Variants in UTRN observed in about 807,000 individuals in gnomAD.
UTRN encodes utrophin, also known as dystrophin-related protein 1.
UTRN carries 283 observed loss-of-function variants against 463.9 expected under a neutral mutation model. The observed-to-expected ratio is 0.61, with a 90% CI of 0.55 to 0.67. The LOEUF is 0.67. UTRN is among the 30% of genes least tolerant of loss of function. UTRN has a pLI of 0.00. For synonymous variants in UTRN, 1,442 were observed against 1,431.5 expected (o/e 1.01, Z -0.17); for missense variants, 3,922 against 4,084.3 (o/e 0.96, Z 1.08).
intron 51 of UTRN, among the ~76,000 whole-genome samples, chr6:144,605,061 G>C (rs978704505): frequency 1.3e-5 from 2 of 152,066 alleles, no homozygotes; most frequent in East Asian, 3.8e-4. Flanking sequence ...TGTTGCTATT[G>C]AGTAAAACTC....
chr6:144,689,159 C>G (rs947614921), intron 52 of UTRN, among the ~76,000 whole-genome samples: 7 of 152,162 alleles, frequency 4.6e-5, no homozygotes, highest in Non-Finnish European at 5.9e-5. Context: ...CTCATGTAAG[C>G]CTGAACCTGG....
At chr6:144,302,340 G>A (rs552599147) in intron 2 of UTRN, among the ~76,000 whole-genome samples, 5 of 152,010 alleles carry the variant, frequency 3.3e-5, no homozygotes, top group South Asian at 2.1e-4. Flanking sequence ...CTGAAACCTC[G>A]TCTCTACTAA....
chr6:144,626,385 C>CAACT (rs1308584224), intron 51 of UTRN, among the ~76,000 whole-genome samples: 7 of 152,358 alleles, frequency 4.6e-5, no homozygotes, highest in African/African-American at 1.7e-4. Context: ...TTCCCTCTCG[C>CAACT]AACTGGTCAA....
intron 2 of UTRN, among the ~76,000 whole-genome samples, chr6:144,312,918 G>A (rs1775030579): frequency 6.6e-6 from 1 of 152,180 alleles, no homozygotes; most frequent in Non-Finnish European, 1.5e-5. Flanking sequence ...GTTACAGAGA[G>A]GCTCCAGGGG....
At chr6:144,752,358 A>G (rs757967346) in intron 56 of UTRN, among the ~76,000 whole-genome samples, 1 of 151,630 alleles carries the variant, frequency 6.6e-6, no homozygotes, top group Non-Finnish European at 1.5e-5. Flanking sequence ...ACTGGTTGCT[A>G]TTTAAATATC....
Position 144,554,728 on chromosome 6 carries a change from C to G in UTRN, c.6969C>G (p.Gly2323=). The change falls in exon 49 of 75, where the codon GGC becomes GGG. Residue 2323 remains glycine (G), a synonymous_variant. Transcript: ENST00000367545. ...ACCAGTGGGATGGCACCCAGCATGG[C>G]GTTGAGCTAAGACAGCAGCAGCTTG... The part of the protein sequence containing the change: ...VKNQWDGTQH[G]VELRQQQLED... The G allele has an allele frequency of 6.2e-7, 1 of 1,613,878 alleles. No individual in the cohort carries two copies. Among genetic ancestry groups the G allele is most frequent in the Non-Finnish European group, 8.5e-7 (1 of 1,179,950 alleles).
intron 51 of UTRN, among the ~76,000 whole-genome samples, chr6:144,616,482 C>T (rs1484875421): frequency 1.3e-5 from 2 of 151,032 alleles, no homozygotes; most frequent in African/African-American, 4.9e-5. Context: ...AGTTTGTTTC[C>T]TATGCACTCA....
chr6:144,820,229 A>T (rs9386084), intron 65 of UTRN, among the ~76,000 whole-genome samples: 29,117 of 151,968 alleles, frequency 0.19, 3,747 homozygotes, highest in East Asian at 0.45. Context: ...AATCATTTAG[A>T]AATACCTAAG....
At chr6:144,766,289 G>T (rs1793333465) in intron 58 of UTRN, among the ~76,000 whole-genome samples, 1 of 151,826 alleles carries the variant, frequency 6.6e-6, no homozygotes, top group Non-Finnish European at 1.5e-5. Flanking sequence ...TTAAGAAGGT[G>T]TTACTCAAAT....
At chr6:144,310,547 A>AAG (rs1806157833) in intron 2 of UTRN, among the ~76,000 whole-genome samples, 1 of 151,506 alleles carries the variant, frequency 6.6e-6, no homozygotes, top group East Asian at 1.9e-4. Context: ...AAAAAAAAAA[A>AAG]AAAAAATGGC....
chr6:144,473,998 AC>A (rs2128569399), intron 24 of UTRN, among the ~76,000 whole-genome samples, 165 bp downstream of exon 24: 1 of 152,208 alleles, frequency 6.6e-6, no homozygotes, highest in South Asian at 2.1e-4. Context: ...TAAAAGAATG[AC>A]AGATTCTTCA....
At chr6:144,315,747 G>A (rs1775242186) in intron 2 of UTRN, among the ~76,000 whole-genome samples, 1 of 152,194 alleles carries the variant, frequency 6.6e-6, no homozygotes, top group Non-Finnish European at 1.5e-5. Context: ...TTGGCCTCGT[G>A]CCTTTATGCA....
At chr6:144,319,542 A>C (rs1775498433) in intron 2 of UTRN, among the ~76,000 whole-genome samples, 2 of 152,142 alleles carry the variant, frequency 1.3e-5, no homozygotes, top group Admixed American at 6.6e-5. Flanking sequence ...TAGTTGAAAC[A>C]TTGTATGTTT....
intron 34 of UTRN, among the ~76,000 whole-genome samples, chr6:144,507,761 G>T (rs1201300536): frequency 6.6e-6 from 1 of 152,182 alleles, no homozygotes. Context: ...ACTTGAGGAG[G>T]CAATCTGTCC....
At chr6:144,336,029 C>T (rs570181605) in intron 2 of UTRN, among the ~76,000 whole-genome samples, 51 of 152,204 alleles carry the variant, frequency 3.4e-4, no homozygotes, top group Admixed American at 1.2e-3. Flanking sequence ...GTACCAGCTG[C>T]GGCAGGATCT....
chr6:144,589,012 G>A (rs1440362287), intron 51 of UTRN, among the ~76,000 whole-genome samples: 1 of 152,078 alleles, frequency 6.6e-6, no homozygotes, highest in Non-Finnish European at 1.5e-5. Context: ...TCAGTTCTGT[G>A]GAACTCTAAA....
rs754193488 is a variant in UTRN at position 144,554,826 on chromosome 6, A to G, written c.7067A>G (p.Glu2356Gly). ...EETEELMRKY[E>G]ARLYILQQAR... Reference sequence around the variant, plus strand: ...ACTGAAGAACTGATGAGAAAATATGAGGCTCGACTCTATATTCTTCAGCAA... The same window carrying G: ...ACTGAAGAACTGATGAGAAAATATGGGGCTCGACTCTATATTCTTCAGCAA... Residue 2356 changes from glutamate (E) to glycine (G), a missense_variant, in exon 49 of 75, where the codon GAG becomes GGG. Physicochemically the swap from Glu to Gly is moderately conservative, Grantham distance 98. Coordinates refer to ENST00000367545, the MANE Select transcript of UTRN (RefSeq NM_007124.3). 5.0e-6 allele frequency: 8 copies of G among 1,613,966 alleles called. No homozygotes were observed. In the East Asian group the frequency reaches 1.8e-4, roughly 36 times the overall value.
intron 9 of UTRN, among the ~76,000 whole-genome samples, chr6:144,434,869 C>T (rs1403597221): frequency 6.6e-6 from 1 of 152,112 alleles, no homozygotes; most frequent in Non-Finnish European, 1.5e-5. Context: ...AAGCAAGGAA[C>T]GTGGGTGGCC....
chr6:144,817,414 T>C (rs953781370), intron 65 of UTRN, among the ~76,000 whole-genome samples: 10 of 152,146 alleles, frequency 6.6e-5, no homozygotes, highest in Admixed American at 5.9e-4. Context: ...TATCAAAAGT[T>C]ATTTCCTTAA....
Sources: allele counts gnomAD v4.1 joint callset (sites outside exome capture counted in the v4.1 genomes callset), GRCh38; gene constraint gnomAD v4.1.1; transcripts MANE v1.5; gene names NCBI Gene and HGNC (gene_info 2026-07-23, HGNC 2026-07-21).